CRCP: variants seen among roughly 807,000 people sequenced by gnomAD.
CRCP encodes CGRP receptor component, also known as DNA-directed RNA polymerase III subunit RPC9.
CRCP carries 18 observed loss-of-function variants against 18.5 expected under a neutral mutation model. That is an observed-to-expected ratio of 0.97 (90% CI 0.67 to 1.44). The LOEUF (loss-of-function observed/expected upper bound fraction) is 1.44, where lower values mean the gene tolerates loss of function less well. CRCP is among the 40% of genes most tolerant of loss of function. The pLI is 0.00. For synonymous variants in CRCP, 53 were observed against 62.9 expected, an observed-to-expected ratio of 0.84 and a Z score of 0.75; for missense variants, 130 against 176.4, an observed-to-expected ratio of 0.74 and a Z score of 1.49.
intron 1 of CRCP, among the ~76,000 whole-genome samples, chr7:66,118,317 C>T (rs1279710922): frequency 3.3e-5 from 5 of 152,184 alleles, no homozygotes; most frequent in South Asian, 2.1e-4. Flanking sequence ...AGTTGCCTTT[C>T]GTCTTCAGTA....
At chr7:66,123,607 G>T (rs10271553) in intron 1 of CRCP, among the ~76,000 whole-genome samples, 97,617 of 151,616 alleles carry the variant, frequency 0.64, 31,870 homozygotes, top group African/African-American at 0.74. Flanking sequence ...AATTAGCCAG[G>T]TGTGGTGGCT....
intron 1 of CRCP, chr7:66,120,510 C>A (rs974221136): frequency 6.6e-6 from 1 of 151,722 alleles, no homozygotes; most frequent in African/African-American, 2.4e-5. Context: ...AGTGGAAGGG[C>A]CCTGGAGTGG....
chr7:66,148,361 C>G (rs1424078212), intron 5 of CRCP, among the ~76,000 whole-genome samples: 2 of 152,138 alleles, frequency 1.3e-5, no homozygotes, highest in Non-Finnish European at 2.9e-5. Flanking sequence ...GAGCGAAACT[C>G]CTTCTCTAGA....
chr7:66,115,067 C>T lies in CRCP; in HGVS notation c.8+97C>T, dbSNP rs1452792567. On this transcript the variant is annotated intron_variant, in intron 1 of 5. Transcript: ENST00000395326. ...AGAGCCGTGGGGACTGGGCGACCCT[C>T]GTACGGGAGTGAGGGCAGCGGGCCG... The T allele has an allele frequency of 5.2e-6, 8 of 1,524,962 alleles. No homozygotes were observed. In the Admixed American group the frequency reaches 1.1e-4, roughly 22 times the overall value. 94.5% of individuals were successfully genotyped at this position (1,524,962 alleles called of 1,614,324 possible). A position where few individuals can be genotyped will look rare whatever the true frequency, so the allele number is the denominator to read the frequency against.
chr7:66,151,424 CTG>C (rs1250745092), intron 5 of CRCP, among the ~76,000 whole-genome samples: 1 of 152,058 alleles, frequency 6.6e-6, no homozygotes, highest in Non-Finnish European at 1.5e-5. Flanking sequence ...GAACAGTTAA[CTG>C]TCTGTGGTGG....
At chr7:66,138,184 T>C (rs369981) in intron 4 of CRCP, among the ~76,000 whole-genome samples, 15,806 of 152,158 alleles carry the variant, frequency 0.1, 989 homozygotes, top group South Asian at 0.2. Flanking sequence ...ATTGATCTTT[T>C]CCTTCAGAAC....
intron 1 of CRCP, among the ~76,000 whole-genome samples, chr7:66,116,702 C>T (rs1004746003): frequency 3.3e-5 from 5 of 152,048 alleles, no homozygotes; most frequent in African/African-American, 1.2e-4. Context: ...CATACATGTC[C>T]CCCTCTTACT....
At chr7:66,141,774 GC>G (rs1447317877) in intron 4 of CRCP, among the ~76,000 whole-genome samples, 20 of 152,222 alleles carry the variant, frequency 1.3e-4, no homozygotes, top group Non-Finnish European at 2.8e-4. Flanking sequence ...TTGGGCAAGA[GC>G]TAGGGTGCAG....
intron 1 of CRCP, among the ~76,000 whole-genome samples, chr7:66,116,968 A>G (rs1056193978): frequency 1.3e-5 from 2 of 152,004 alleles, no homozygotes; most frequent in Non-Finnish European, 2.9e-5. Flanking sequence ...TAAAAATACA[A>G]AAATTAACTG....
rs1391749713 is a variant in CRCP, at chr7:66,154,258, C to T, written c.*1901C>T. Reference sequence around the variant, plus strand: ...TGGCACGATCTCTGCTCACTGCAACCTCTGCCTCCCAGATTCAAGCGATTC... The same window carrying T: ...TGGCACGATCTCTGCTCACTGCAACTTCTGCCTCCCAGATTCAAGCGATTC... On this transcript the variant is annotated 3_prime_UTR_variant, in exon 6 of 6. Coordinates refer to ENST00000395326, the MANE Select transcript of CRCP (RefSeq NM_014478.5). 6.7e-6 allele frequency: 1 copy of T among 149,890 alleles called. No homozygotes were observed. The highest frequency in any genetic ancestry group is 6.7e-5 in the Admixed American group (1 of 15,000). 9.3% of individuals were successfully genotyped at this position (149,890 alleles called of 1,614,324 possible). A position where few individuals can be genotyped will look rare whatever the true frequency, so the allele number is the denominator to read the frequency against.
At chr7:66,118,449 G>T (rs1787339200) in intron 1 of CRCP, among the ~76,000 whole-genome samples, 1 of 152,210 alleles carries the variant, frequency 6.6e-6, no homozygotes, top group Non-Finnish European at 1.5e-5. Context: ...ACCAGTGTCT[G>T]TTCACCTAGT....
intron 4 of CRCP, among the ~76,000 whole-genome samples, chr7:66,139,922 C>G (rs369844340): frequency 4.3e-4 from 66 of 152,362 alleles, no homozygotes; most frequent in African/African-American, 1.6e-3. Flanking sequence ...CATGATACCC[C>G]CTTTTGGGTC....
chr7:66,133,498 C>T (rs920069162), intron 3 of CRCP, among the ~76,000 whole-genome samples: 1 of 147,276 alleles, frequency 6.8e-6, no homozygotes, highest in East Asian at 2.1e-4. Context: ...GAGCCGAGAT[C>T]GTGCCGCTGC....
chr7:66,119,062 C>T (rs147970296), intron 1 of CRCP, among the ~76,000 whole-genome samples: 1 of 152,270 alleles, frequency 6.6e-6, no homozygotes, highest in African/African-American at 2.4e-5. Flanking sequence ...CTGCCCCTTA[C>T]CCAGTAGGAA....
intron 2 of CRCP, 82 bp downstream of exon 2, chr7:66,127,822 A>G: frequency 6.7e-7 from 1 of 1,497,322 alleles, no homozygotes; most frequent in Non-Finnish European, 9.3e-7. Context: ...GTTAGAAATG[A>G]CTGAATTCAG....
Position 66,114,953 on chromosome 7 carries a change from G to A in CRCP, c.-10G>A, listed in dbSNP as rs535211238. 160 of 1,612,444 alleles carry A rather than the reference G, an allele frequency of 9.9e-5. No individual in the cohort carries two copies. The highest frequency in any genetic ancestry group is 5.0e-4 in the Middle Eastern group (3 of 6,046). On this transcript the variant is annotated 5_prime_UTR_variant, in exon 1 of 6. Transcript: ENST00000395326. ...TCTGCTGGCAGCTAGGGGCGACGAG[G>A]CGGGACGTCATGGAAGTGTAAGTCT...
rs1358806230 is a variant in CRCP at position 66,152,641 on chromosome 7, AGTTGTGGGGAG to A, written c.*287_*297del. On this transcript the variant is annotated 3_prime_UTR_variant, in exon 6 of 6. Transcript: ENST00000395326. ...AGATTTCCTCCACGGCCTTTGCCCC[AGTTGTGGGGAG>A]GTCTCTGTGCACAGCGGGGAAAATG... is the stretch of plus-strand genomic sequence containing the variant. 1 of 375,224 alleles carries A rather than the reference AGTTGTGGGGAG, an allele frequency of 2.7e-6. No homozygotes were observed. The highest frequency in any genetic ancestry group is 5.0e-6 in the Non-Finnish European group (1 of 199,358). 23.2% of individuals were successfully genotyped at this position (375,224 alleles called of 1,614,324 possible). A position where few individuals can be genotyped will look rare whatever the true frequency, so the allele number is the denominator to read the frequency against.
chr7:66,141,054 A>G (rs1174806899), intron 4 of CRCP, among the ~76,000 whole-genome samples: 2 of 152,146 alleles, frequency 1.3e-5, no homozygotes, highest in East Asian at 1.9e-4. Flanking sequence ...AATCCTTTTA[A>G]CCTCAACCCT....
chr7:66,137,080 A>C (rs909300793), intron 4 of CRCP, among the ~76,000 whole-genome samples: 9 of 152,016 alleles, frequency 5.9e-5, no homozygotes, highest in Non-Finnish European at 8.8e-5. Flanking sequence ...ACTGTCTCAA[A>C]AAAAAATTTA....
Sources: gnomAD v4.1 joint callset for allele counts (sites outside exome capture counted in the v4.1 genomes callset) on GRCh38, gnomAD v4.1.1 for gene constraint, MANE v1.5 for transcripts, NCBI Gene and HGNC (gene_info 2026-07-23, HGNC 2026-07-21) for gene names.